Variants in TFEC observed in about 807,000 individuals in gnomAD.
The protein encoded by TFEC is class E basic helix-loop-helix protein 34.
A neutral mutation model predicts 41.6 loss-of-function variants in TFEC; 31 were observed. That is an observed-to-expected ratio of 0.74 (90% CI 0.56 to 1.01). TFEC has a LOEUF of 1.01. TFEC is among the 50% of genes least tolerant of loss of function. The pLI is 0.00. For missense variants in TFEC, 402 were observed against 404.1 expected (o/e 0.99, Z 0.04); for synonymous variants, 143 against 140.6 (o/e 1.02, Z -0.12).
intron 3 of TFEC, among the ~76,000 whole-genome samples, chr7:116,067,780 T>G (rs1796729466): frequency 6.6e-6 from 1 of 151,992 alleles, no homozygotes; most frequent in African/African-American, 2.4e-5. Context: ...TTTCCCACAC[T>G]TACTCCACAT....
At chr7:115,976,914 G>C (rs1190767730) in intron 2 of TFEC, among the ~76,000 whole-genome samples, 8 of 152,086 alleles carry the variant, frequency 5.3e-5, no homozygotes, top group Non-Finnish European at 1.2e-4. Flanking sequence ...AGCATGCTTA[G>C]GTTTCCCTTA....
chr7:116,002,711 TGATA>T (rs1794644383), intron 1 of TFEC, among the ~76,000 whole-genome samples: 1 of 152,104 alleles, frequency 6.6e-6, no homozygotes, highest in Non-Finnish European at 1.5e-5. Context: ...ATACTTGAGG[TGATA>T]GATACCCAAT....
chr7:116,047,476 C>A (rs1000100630), intron 3 of TFEC, among the ~76,000 whole-genome samples: 1 of 152,068 alleles, frequency 6.6e-6, no homozygotes, highest in African/African-American at 2.4e-5. Flanking sequence ...ATTGCTGAGG[C>A]TTGAGTAGGT....
chr7:115,997,819 A>G (rs951254145), intron 1 of TFEC, among the ~76,000 whole-genome samples: 1 of 152,194 alleles, frequency 6.6e-6, no homozygotes, highest in African/African-American at 2.4e-5. Context: ...TGAAGAACGC[A>G]TCAGAGTCTC....
chr7:116,022,312 G>A (rs546825434), intron 1 of TFEC, among the ~76,000 whole-genome samples: 22 of 152,124 alleles, frequency 1.4e-4, no homozygotes, highest in Non-Finnish European at 2.9e-4. Flanking sequence ...AAAAATGAGG[G>A]TGAGGGCAAT....
chr7:116,004,564 G>GA (rs1006582112), intron 1 of TFEC, among the ~76,000 whole-genome samples: 1 of 152,142 alleles, frequency 6.6e-6, no homozygotes, highest in Non-Finnish European at 1.5e-5. Flanking sequence ...GGTATATGTG[G>GA]AAAATCTCAG....
Position 115,935,207 on chromosome 7 carries a change from A to C in TFEC, c.*5344T>G, listed in dbSNP as rs967471238. 6.6e-5 allele frequency: 10 copies of C among 151,950 alleles called. 1 individual carries two copies. The highest frequency in any genetic ancestry group is 2.4e-4 in the African/African-American group (10 of 41,424). The allele number at this position is 151,950 out of a possible 1,614,324, so 9.4% of individuals were successfully genotyped here. A position where few individuals can be genotyped will look rare whatever the true frequency, so the allele number is the denominator to read the frequency against. On this transcript the variant is annotated 3_prime_UTR_variant, in exon 8 of 8. Transcript: ENST00000265440. The stretch of plus-strand genomic sequence containing the variant: ...TGCAAAGAAAATATTGGTACATTTT[A>C]AGGTATTTTTACAAAGATTTTTGTA...
At chr7:116,155,239 T>C (rs1798845549) in intron 1 of TFEC, among the ~76,000 whole-genome samples, 1 of 152,198 alleles carries the variant, frequency 6.6e-6, no homozygotes, top group Non-Finnish European at 1.5e-5. Context: ...GAATTAGAGA[T>C]AGCTTCCTTA....
intron 3 of TFEC, among the ~76,000 whole-genome samples, chr7:116,081,902 C>G (rs954400616): frequency 6.6e-6 from 1 of 152,008 alleles, no homozygotes; most frequent in Non-Finnish European, 1.5e-5. Context: ...TAATGTTTAC[C>G]TCTCAAGACA....
At chr7:116,131,942 T>C (rs960239623) in intron 1 of TFEC, among the ~76,000 whole-genome samples, 5 of 152,212 alleles carry the variant, frequency 3.3e-5, no homozygotes, top group Non-Finnish European at 5.9e-5. Flanking sequence ...GTTGCCACTT[T>C]CTGCACTCCT....
At chr7:115,960,869 G>A (rs1792507211) in intron 3 of TFEC, among the ~76,000 whole-genome samples, 1 of 151,558 alleles carries the variant, frequency 6.6e-6, no homozygotes, top group Admixed American at 6.6e-5. Flanking sequence ...GGAAACTGAT[G>A]TAGCTATATT....
chr7:116,025,415 G>C (rs912410905), intron 1 of TFEC, among the ~76,000 whole-genome samples: 1 of 152,020 alleles, frequency 6.6e-6, no homozygotes, highest in African/African-American at 2.4e-5. Context: ...TCCAATCTTA[G>C]AGCTCCTAAA....
At chr7:116,052,836 G>A (rs569823802) in intron 3 of TFEC, among the ~76,000 whole-genome samples, 11 of 151,836 alleles carry the variant, frequency 7.2e-5, no homozygotes, top group African/African-American at 2.4e-4. Flanking sequence ...TTGGGAGGCC[G>A]AGGTGGGCGG....
At chr7:116,079,628 T>C (rs1241797686) in intron 3 of TFEC, among the ~76,000 whole-genome samples, 2 of 151,716 alleles carry the variant, frequency 1.3e-5, no homozygotes, top group Non-Finnish European at 2.9e-5. Context: ...AACCAAGAAC[T>C]TGAAAGACCT....
At position 116,074,695 on chromosome 7, in the gene TFEC, T is replaced by C. The variant is rs116101342; in HGVS notation, c.198+36013A>G. Among the ~76,000 whole-genome samples, 1,510 of 152,236 alleles carry C rather than the reference T, an allele frequency of 9.9e-3. 34 individuals carry two copies. The highest frequency in any genetic ancestry group is 0.035 in the African/African-American group (1,446 of 41,554). On this transcript the variant is annotated intron_variant, in intron 3 of 8. Transcript: ENST00000484212. ...TGTGCAGCCACTTTGGAAAATAATTTAGCATTCCTTGAAGTATGAAACATA... is the reference window on the plus strand; with the variant it reads ...TGTGCAGCCACTTTGGAAAATAATTCAGCATTCCTTGAAGTATGAAACATA...
chr7:116,020,605 CAT>C (rs1302708434), intron 1 of TFEC, among the ~76,000 whole-genome samples: 41 of 152,124 alleles, frequency 2.7e-4, no homozygotes, highest in African/African-American at 9.9e-4. Context: ...GCAAAGCTAA[CAT>C]GTTTCCTTTC....
At chr7:116,128,336 A>C (rs1798257304) in intron 1 of TFEC, among the ~76,000 whole-genome samples, 1 of 152,176 alleles carries the variant, frequency 6.6e-6, no homozygotes, top group Admixed American at 6.5e-5. Flanking sequence ...TGAGAAAATA[A>C]TTATCAATTT....
intron 1 of TFEC, among the ~76,000 whole-genome samples, chr7:115,997,238 G>C (rs535580525): frequency 6.6e-6 from 1 of 152,276 alleles, no homozygotes; most frequent in Non-Finnish European, 1.5e-5. Context: ...TCAGCACACA[G>C]AGAAAGACTC....
intron 2 of TFEC, among the ~76,000 whole-genome samples, chr7:115,976,758 C>T (rs1176166722): frequency 1.3e-5 from 2 of 152,152 alleles, no homozygotes; most frequent in Non-Finnish European, 2.9e-5. Context: ...AAGAAGATTG[C>T]TAAACATAAT....
Sources: gnomAD v4.1 joint callset for allele counts (sites outside exome capture counted in the v4.1 genomes callset) on GRCh38, gnomAD v4.1.1 for gene constraint, MANE v1.5 for transcripts, NCBI Gene and HGNC (gene_info 2026-07-23, HGNC 2026-07-21) for gene names.